The following HPSE2 variants were observed in gnomAD, a reference collection of about 807,000 sequenced individuals.
HPSE2 encodes inactive heparanase-2.
Under a neutral mutation model 60.5 loss-of-function variants are expected in HPSE2, and 38 were observed. The observed-to-expected ratio is 0.63, with a 90% CI of 0.48 to 0.82. The LOEUF is 0.82. Ranked by LOEUF, HPSE2 falls within the 40% of genes least tolerant of loss-of-function variation. The pLI, the probability that HPSE2 is intolerant of heterozygous loss-of-function variation, is 0.00. For missense variants in HPSE2, 713 were observed against 740.4 expected, an observed-to-expected ratio of 0.96 and a Z score of 0.43; for synonymous variants, 295 against 293.2, an observed-to-expected ratio of 1.01 and a Z score of -0.06.
intron 11 of HPSE2, among the ~76,000 whole-genome samples, chr10:98,478,249 G>T (rs1296517399): frequency 6.6e-6 from 1 of 152,110 alleles, no homozygotes; most frequent in Non-Finnish European, 1.5e-5. Flanking sequence ...GACAAGGGAG[G>T]GACCCACAGC....
In HPSE2 at chr10:98,849,085, A is replaced by G. The variant is rs562943390; in HGVS notation, c.611-105029T>C. 2.4e-4 allele frequency among the ~76,000 whole-genome samples: 36 copies of G among 152,260 alleles called. No homozygotes were observed. The South Asian group carries it at 7.3e-3, about 31-fold the overall frequency. On this transcript the variant is annotated intron_variant, in intron 3 of 11. Coordinates refer to ENST00000370552, the MANE Select transcript of HPSE2 (RefSeq NM_021828.5). ...TGTTCACATAGGGCAGTGAGTTACT[A>G]TGTCCTTTTTTAAAATGAAGAAACT...
intron 9 of HPSE2, among the ~76,000 whole-genome samples, chr10:98,516,036 C>T (rs1942590307): frequency 6.6e-6 from 1 of 152,232 alleles, no homozygotes; most frequent in Admixed American, 6.5e-5. Context: ...CCATCCCTTA[C>T]AGCACGGTTC....
intron 3 of HPSE2, among the ~76,000 whole-genome samples, chr10:98,963,358 A>T (rs1955731146): frequency 6.6e-6 from 1 of 152,154 alleles, no homozygotes; most frequent in Non-Finnish European, 1.5e-5. Flanking sequence ...GATGACTGCT[A>T]TTCATATTTT....
chr10:98,513,171 T>C (rs977142691), intron 9 of HPSE2, among the ~76,000 whole-genome samples: 1 of 152,208 alleles, frequency 6.6e-6, no homozygotes, highest in Admixed American at 6.5e-5. Context: ...ATGAGGGCCT[T>C]GAGGTATCTA....
chr10:99,307,881 G>A, the HPSE2 span, among the ~76,000 whole-genome samples: 1 of 147,368 alleles, frequency 6.8e-6, no homozygotes, highest in Non-Finnish European at 1.5e-5. Context: ...TGGCTACAGT[G>A]GGAAGAAACA....
chr10:99,043,469 C>T (rs568084554), intron 3 of HPSE2, among the ~76,000 whole-genome samples: 11 of 152,056 alleles, frequency 7.2e-5, no homozygotes, highest in South Asian at 2.1e-4. Context: ...CCAGCCTGGG[C>T]GACAGAGTGA....
chr10:98,722,365 C>T (rs551841940), intron 4 of HPSE2, among the ~76,000 whole-genome samples: 33 of 151,630 alleles, frequency 2.2e-4, no homozygotes, highest in African/African-American at 7.3e-4. Flanking sequence ...TGGCAGCCAC[C>T]GGAAGCTAGG....
intron 3 of HPSE2, among the ~76,000 whole-genome samples, chr10:98,945,617 G>A (rs917404441): frequency 2.6e-5 from 4 of 152,136 alleles, no homozygotes; most frequent in Non-Finnish European, 5.9e-5. Flanking sequence ...AAAGTGAGAG[G>A]TAGACACAAT....
At chr10:98,909,009 G>C (rs1027099307) in intron 3 of HPSE2, among the ~76,000 whole-genome samples, 1 of 152,106 alleles carries the variant, frequency 6.6e-6, no homozygotes, top group Admixed American at 6.6e-5. Flanking sequence ...CTCCAGGCCC[G>C]AATCTATGTG....
chr10:99,107,031 T>C (rs1027521653), intron 3 of HPSE2, among the ~76,000 whole-genome samples: 9 of 152,140 alleles, frequency 5.9e-5, no homozygotes, highest in Admixed American at 5.2e-4. Flanking sequence ...CCACCATGCC[T>C]GGTTAATTTT....
At chr10:98,522,251 T>C (rs1046695767) in intron 9 of HPSE2, among the ~76,000 whole-genome samples, 1 of 148,800 alleles carries the variant, frequency 6.7e-6, no homozygotes, top group African/African-American at 2.5e-5. Flanking sequence ...AACTCTTCAA[T>C]ATGCAAAAAA....
intron 9 of HPSE2, among the ~76,000 whole-genome samples, chr10:98,599,948 G>C (rs1945351427): frequency 6.6e-6 from 1 of 152,150 alleles, no homozygotes. Flanking sequence ...ATGTGTAGTG[G>C]TTAAAGTGAT....
chr10:99,141,874 T>G (rs1309247395), intron 3 of HPSE2, among the ~76,000 whole-genome samples: 1 of 152,238 alleles, frequency 6.6e-6, no homozygotes, highest in Non-Finnish European at 1.5e-5. Context: ...CACTTAATTT[T>G]TGTTACTATA....
intron 3 of HPSE2, among the ~76,000 whole-genome samples, chr10:99,123,040 A>G (rs1308458703): frequency 1.3e-5 from 2 of 152,162 alleles, no homozygotes; most frequent in East Asian, 1.9e-4. Flanking sequence ...TGTTTTAAAA[A>G]CAGTGTAGAC....
At chr10:98,983,054 A>G (rs79029516) in intron 3 of HPSE2, among the ~76,000 whole-genome samples, 1,575 of 152,332 alleles carry the variant, frequency 0.01, 25 homozygotes, top group African/African-American at 0.036. Flanking sequence ...AATGCCAGAC[A>G]ATGTGCTAAA....
intron 6 of HPSE2, among the ~76,000 whole-genome samples, chr10:98,652,269 T>G (rs1946937712): frequency 6.6e-6 from 1 of 152,082 alleles, no homozygotes; most frequent in Admixed American, 6.5e-5. Flanking sequence ...AATAGGAAGG[T>G]AAGAGCCAGA....
chr10:98,838,579 C>T (rs1380612012), intron 3 of HPSE2, among the ~76,000 whole-genome samples: 3 of 151,682 alleles, frequency 2.0e-5, no homozygotes, highest in African/African-American at 7.3e-5. Context: ...CATGCACCAC[C>T]ATGCCTGGCT....
chr10:98,544,800 A>C (rs1396058364), intron 9 of HPSE2, among the ~76,000 whole-genome samples: 3 of 151,972 alleles, frequency 2.0e-5, no homozygotes, highest in African/African-American at 7.2e-5. Flanking sequence ...GAAATAACTA[A>C]GATCAGAGCA....
intron 3 of HPSE2, among the ~76,000 whole-genome samples, chr10:98,753,334 C>T (rs1184870158): frequency 6.6e-6 from 1 of 152,118 alleles, no homozygotes; most frequent in Non-Finnish European, 1.5e-5. Flanking sequence ...CTGTGGAAAA[C>T]AGTGGTGGTT....
Sources: allele counts gnomAD v4.1 joint callset (sites outside exome capture counted in the v4.1 genomes callset), GRCh38; gene constraint gnomAD v4.1.1; transcripts MANE v1.5; gene names NCBI Gene and HGNC (gene_info 2026-07-23, HGNC 2026-07-21).